Variants in ROR1 observed in about 807,000 individuals in gnomAD.
ROR1 encodes the protein ROR family WNT receptor 1, also known as inactive tyrosine-protein kinase transmembrane receptor ROR1.
A neutral mutation model predicts 78.8 loss-of-function variants in ROR1; 19 were observed. The observed-to-expected ratio is 0.24, with a 90% CI of 0.17 to 0.35. ROR1 has a LOEUF of 0.35. Among genes scored for constraint, ROR1 ranks in the 10% least tolerant of loss-of-function variants. The pLI is 1.00. For missense variants in ROR1, 917 were observed against 1,177.8 expected, an observed-to-expected ratio of 0.78 and a Z score of 3.24; for synonymous variants, 386 against 433.6, an observed-to-expected ratio of 0.89 and a Z score of 1.36.
intron 7 of ROR1, among the ~76,000 whole-genome samples, chr1:64,154,249 C>CCT (rs967334216): frequency 5.3e-5 from 8 of 152,092 alleles, no homozygotes; most frequent in Non-Finnish European, 1.0e-4. Context: ...GGCCTAATTA[C>CCT]CTCTCTCTCT....
At chr1:63,970,908 C>T (rs1317092260) in intron 1 of ROR1, among the ~76,000 whole-genome samples, 1 of 152,162 alleles carries the variant, frequency 6.6e-6, no homozygotes, top group African/African-American at 2.4e-5. Context: ...TTGCTGCCTC[C>T]CTCTATGAAC....
At chr1:63,788,201 C>A (rs1195733313) in intron 1 of ROR1, among the ~76,000 whole-genome samples, 1 of 152,162 alleles carries the variant, frequency 6.6e-6, no homozygotes, top group Non-Finnish European at 1.5e-5. Flanking sequence ...TGGGTGTTAT[C>A]CTTTTTTTAA....
intron 4 of ROR1, among the ~76,000 whole-genome samples, chr1:64,088,339 G>A (rs1647169765): frequency 6.6e-6 from 1 of 152,124 alleles, no homozygotes; most frequent in African/African-American, 2.4e-5. Context: ...GCCAACCACA[G>A]TGCTTCACAT....
intron 2 of ROR1, among the ~76,000 whole-genome samples, chr1:64,049,047 C>T (rs1308043913): frequency 1.3e-5 from 2 of 152,064 alleles, no homozygotes; most frequent in East Asian, 3.9e-4. Context: ...ATGAATTAAT[C>T]TATATATATG....
intron 1 of ROR1, among the ~76,000 whole-genome samples, chr1:63,986,655 G>C (rs972942183): frequency 6.6e-6 from 1 of 152,190 alleles, no homozygotes; most frequent in Non-Finnish European, 1.5e-5. Context: ...CACTTTGGGA[G>C]GTGGAGGTGA....
At position 63,945,501 on chromosome 1, in the gene ROR1, A is replaced by C. The variant is rs1645879854; in HGVS notation, c.92-63804A>C. On this transcript the variant is annotated intron_variant, in intron 1 of 8. Transcript: ENST00000371079. The stretch of plus-strand genomic sequence containing the variant: ...TAGTTTGAAAAACACTGATGAAGAG[A>C]TGGCCTATTTCTGGGGAGCAGGCTC... Among the ~76,000 whole-genome samples, 3 of 152,142 alleles carry C rather than the reference A, an allele frequency of 2.0e-5. No individual in the cohort carries two copies. The South Asian group carries it at 6.2e-4, about 32-fold the overall frequency.
chr1:64,119,626 G>A (rs984862556), intron 4 of ROR1, among the ~76,000 whole-genome samples: 11 of 142,138 alleles, frequency 7.7e-5, no homozygotes, highest in Non-Finnish European at 1.5e-4. Context: ...GTGACAGAGC[G>A]AGGCTCCGTC....
chr1:64,017,261 G>A (rs1229740860), intron 2 of ROR1, among the ~76,000 whole-genome samples: 1 of 152,052 alleles, frequency 6.6e-6, no homozygotes, highest in African/African-American at 2.4e-5. Context: ...GGAGCTTCTT[G>A]CCTGCTGTAT....
chr1:64,087,263 G>A (rs1647162314), intron 4 of ROR1, among the ~76,000 whole-genome samples: 1 of 152,174 alleles, frequency 6.6e-6, no homozygotes, highest in African/African-American at 2.4e-5. Flanking sequence ...AGGAATCCCT[G>A]TGTTCCTAGA....
intron 1 of ROR1, among the ~76,000 whole-genome samples, chr1:63,861,817 G>T (rs1645183939): frequency 6.6e-6 from 1 of 152,160 alleles, no homozygotes; most frequent in African/African-American, 2.4e-5. Context: ...AAAGATAAAT[G>T]CCCATTCCAA....
chr1:64,111,517 C>T (rs1648094927), intron 4 of ROR1: 1 of 152,190 alleles, frequency 6.6e-6, no homozygotes. Flanking sequence ...CTTAAGAACC[C>T]TCAGGAGCAT....
At chr1:64,069,991 G>A (rs1646990601) in intron 4 of ROR1, among the ~76,000 whole-genome samples, 1 of 151,942 alleles carries the variant, frequency 6.6e-6, no homozygotes, top group Non-Finnish European at 1.5e-5. Flanking sequence ...CCATTAAGTG[G>A]TCACTCCCCA....
rs1650500132 is a variant in ROR1, at chr1:64,179,744, GT to G, written c.*893del. 1 of 152,146 alleles carries G rather than the reference GT, an allele frequency of 6.6e-6. No homozygotes were observed. Among genetic ancestry groups the G allele is most frequent in the African/African-American group, 2.4e-5 (1 of 41,426 alleles). 9.4% of individuals were successfully genotyped at this position (152,146 alleles called of 1,614,324 possible). ...TCCCATGGGGACAGCCCCCATAGGA[GT>G]TTTCTGGAACCAGTAACACTGAAAA... On this transcript the variant is annotated 3_prime_UTR_variant, in exon 9 of 9. Coordinates refer to ENST00000371079, the MANE Select transcript of ROR1 (RefSeq NM_005012.4).
At chr1:64,067,848 G>C (rs1646970793) in intron 4 of ROR1, among the ~76,000 whole-genome samples, 1 of 151,862 alleles carries the variant, frequency 6.6e-6, no homozygotes, top group African/African-American at 2.4e-5. Flanking sequence ...GAGTAGCTGG[G>C]ACTACAGGCG....
chr1:64,119,777 C>A (rs547237774), intron 4 of ROR1, among the ~76,000 whole-genome samples: 1 of 151,988 alleles, frequency 6.6e-6, no homozygotes, highest in African/African-American at 2.4e-5. Flanking sequence ...GTGATAATAT[C>A]CTGACTTTGG....
At chr1:63,838,161 A>G (rs768626224) in intron 1 of ROR1, among the ~76,000 whole-genome samples, 14 of 152,198 alleles carry the variant, frequency 9.2e-5, no homozygotes, top group Admixed American at 2.6e-4. Flanking sequence ...AATAGTAAGT[A>G]TACTTGATAA....
intron 4 of ROR1, chr1:64,113,523 T>C (rs1648194822): frequency 6.6e-6 from 1 of 152,194 alleles, no homozygotes; most frequent in African/African-American, 2.4e-5. Flanking sequence ...GCCATTCTTA[T>C]GATTTTAAAC....
At chr1:63,883,195 G>C (rs990732093) in intron 1 of ROR1, among the ~76,000 whole-genome samples, 1 of 151,918 alleles carries the variant, frequency 6.6e-6, no homozygotes, top group Non-Finnish European at 1.5e-5. Flanking sequence ...TGGGCTCAAA[G>C]GTCCTTCCAA....
chr1:63,955,335 C>T (rs1286505607), intron 1 of ROR1, among the ~76,000 whole-genome samples: 2 of 152,082 alleles, frequency 1.3e-5, no homozygotes, highest in Non-Finnish European at 2.9e-5. Context: ...TAAATTTTTT[C>T]TTTGGCAGTT....
Sources: gnomAD v4.1 joint callset for allele counts (sites outside exome capture counted in the v4.1 genomes callset) on GRCh38, gnomAD v4.1.1 for gene constraint, MANE v1.5 for transcripts, NCBI Gene and HGNC (gene_info 2026-07-23, HGNC 2026-07-21) for gene names.